Variants in MAGI2 observed in about 807,000 individuals in gnomAD.
MAGI2 encodes membrane associated guanylate kinase, WW and PDZ domain containing 2.
MAGI2 carries 35 observed loss-of-function variants against 133.3 expected under a neutral mutation model. The ratio of observed to expected loss-of-function variants is 0.26; its 90% CI spans 0.20 to 0.35. The LOEUF is 0.35. Ranked by LOEUF, MAGI2 falls within the 10% of genes least tolerant of loss-of-function variation. MAGI2 has a pLI of 1.00. For synonymous variants in MAGI2, 729 were observed against 710.6 expected (o/e 1.03, Z -0.41); for missense variants, 1,636 against 1,863.4 (o/e 0.88, Z 2.25).
intron 2 of MAGI2, among the ~76,000 whole-genome samples, chr7:78,728,313 T>C (rs1821015955): frequency 2.0e-5 from 3 of 152,150 alleles, no homozygotes; most frequent in South Asian, 4.1e-4. Flanking sequence ...TGTCATCAGG[T>C]ATTCACCCTT....
At chr7:79,258,259 A>G (rs1563053721) in intron 1 of MAGI2, among the ~76,000 whole-genome samples, 1 of 152,228 alleles carries the variant, frequency 6.6e-6, no homozygotes, top group Admixed American at 6.5e-5. Flanking sequence ...CTTGCAAAGT[A>G]TTATAAAATC....
intron 2 of MAGI2, among the ~76,000 whole-genome samples, chr7:78,808,535 C>T (rs566007869): frequency 2.0e-5 from 3 of 152,278 alleles, no homozygotes; most frequent in South Asian, 2.1e-4. Context: ...GGATTACAGG[C>T]GTGAGCCACT....
intron 2 of MAGI2, among the ~76,000 whole-genome samples, chr7:78,990,426 C>A (rs370630502): frequency 6.6e-6 from 1 of 151,996 alleles, no homozygotes; most frequent in Admixed American, 6.6e-5. Flanking sequence ...TTCCCTGAAA[C>A]GTAGAAATTC....
chr7:78,537,283 T>C (rs1395250822), intron 3 of MAGI2, among the ~76,000 whole-genome samples: 1 of 152,134 alleles, frequency 6.6e-6, no homozygotes. Context: ...TTTTTGTAAT[T>C]GCAAATTGTG....
intron 1 of MAGI2, among the ~76,000 whole-genome samples, chr7:79,205,543 GAA>G (rs1204235328): frequency 6.6e-6 from 1 of 151,794 alleles, no homozygotes; most frequent in Non-Finnish European, 1.5e-5. Flanking sequence ...GAAAATATAT[GAA>G]AGTATAAAAC....
At chr7:78,853,332 C>CATTTTTTTT (rs1793312065) in intron 2 of MAGI2, among the ~76,000 whole-genome samples, 1 of 25,052 alleles carries the variant, frequency 4.0e-5, no homozygotes, top group Non-Finnish European at 7.2e-5. Context: ...TCCATTCGTT[C>CATTTTTTTT]TTTTTTTTTT....
intron 1 of MAGI2, among the ~76,000 whole-genome samples, chr7:79,383,529 G>T (rs1843953605): frequency 6.6e-6 from 1 of 151,344 alleles, no homozygotes. Flanking sequence ...TTTGTGATTT[G>T]ATCAATTTCT....
intron 1 of MAGI2, among the ~76,000 whole-genome samples, chr7:79,026,738 T>G (rs984482617): frequency 2.6e-5 from 4 of 151,732 alleles, no homozygotes; most frequent in Non-Finnish European, 5.9e-5. Flanking sequence ...GTCCGGTGTG[T>G]TGGTGCATGC....
intron 1 of MAGI2, among the ~76,000 whole-genome samples, chr7:79,451,870 G>A (rs1421012497): frequency 1.3e-5 from 2 of 152,118 alleles, no homozygotes; most frequent in African/African-American, 4.8e-5. Flanking sequence ...TGTGCAGTGA[G>A]CTAAAAAAGA....
intron 3 of MAGI2, among the ~76,000 whole-genome samples, chr7:78,608,651 C>T (rs750519063): frequency 1.1e-4 from 16 of 151,982 alleles, no homozygotes; most frequent in East Asian, 1.9e-4. Context: ...CCCTGGTATG[C>T]CTATGTTGAT....
chr7:79,371,078 GT>G (rs1489688092), intron 1 of MAGI2, among the ~76,000 whole-genome samples: 1 of 151,960 alleles, frequency 6.6e-6, no homozygotes, highest in East Asian at 1.9e-4. Context: ...TGATATTCCA[GT>G]TTTTTAAGGA....
chr7:78,987,086 T>G (rs1397616047), intron 2 of MAGI2, among the ~76,000 whole-genome samples: 1 of 151,966 alleles, frequency 6.6e-6, no homozygotes, highest in Non-Finnish European at 1.5e-5. Flanking sequence ...GAGTGGAAAC[T>G]TGGAGGGCAT....
intron 1 of MAGI2, chr7:79,452,815 C>T: frequency 1.7e-6 from 1 of 587,168 alleles, no homozygotes; most frequent in East Asian, 3.0e-5. Flanking sequence ...CAAAGTTGCA[C>T]GCCACACCAC....
Position 79,304,232 on chromosome 7 carries a change from T to TGTGTGTGC in MAGI2, c.301+148787_301+148788insGCACACAC, listed in dbSNP as rs1186248786. 3.6e-4 allele frequency among the ~76,000 whole-genome samples: 54 copies of TGTGTGTGC among 150,760 alleles called. No individual in the cohort carries two copies. The East Asian group carries it at 1.0e-2, about 28-fold the overall frequency. On this transcript the variant is annotated intron_variant, in intron 1 of 21. Coordinates refer to ENST00000354212, the MANE Select transcript of MAGI2 (RefSeq NM_012301.4). ...GTGTGTGTGTGTGTGTGTGTGTGTG[T>TGTGTGTGC]AGATTTCTAGAGGTTAAAGCCGTTA...
At chr7:78,691,960 G>A (rs888764190) in intron 2 of MAGI2, among the ~76,000 whole-genome samples, 2 of 152,114 alleles carry the variant, frequency 1.3e-5, no homozygotes, top group South Asian at 2.1e-4. Context: ...TTACCACTCC[G>A]GTGGGCATGT....
chr7:78,485,826 C>T (rs1385895059), intron 6 of MAGI2: 1 of 151,762 alleles, frequency 6.6e-6, no homozygotes, highest in African/African-American at 2.4e-5. Context: ...GACATCCAGC[C>T]CAGTAACATC....
At chr7:78,732,345 T>G (rs1300439204) in intron 2 of MAGI2, among the ~76,000 whole-genome samples, 2 of 152,176 alleles carry the variant, frequency 1.3e-5, no homozygotes. Context: ...GGACATATAG[T>G]CTGACACCTT....
At chr7:78,786,275 C>T (rs910564488) in intron 2 of MAGI2, among the ~76,000 whole-genome samples, 6 of 152,254 alleles carry the variant, frequency 3.9e-5, no homozygotes, top group East Asian at 1.9e-4. Context: ...ACCCAGCAGG[C>T]GGGTCCAAGC....
chr7:78,489,557 C>A (rs1793397037), intron 6 of MAGI2, among the ~76,000 whole-genome samples: 1 of 152,060 alleles, frequency 6.6e-6, no homozygotes, highest in Admixed American at 6.6e-5. Flanking sequence ...TGATATTCAG[C>A]ACAGTCTCCT....
Sources: allele counts gnomAD v4.1 joint callset (sites outside exome capture counted in the v4.1 genomes callset), GRCh38; gene constraint gnomAD v4.1.1; transcripts MANE v1.5; gene names NCBI Gene and HGNC (gene_info 2026-07-23, HGNC 2026-07-21).